Variants in KIF4A observed in about 807,000 individuals in gnomAD.
KIF4A encodes chromosome-associated kinesin KIF4A.
A neutral mutation model predicts 105.9 loss-of-function variants in KIF4A; 7 were observed. That is an observed-to-expected ratio of 0.07 (90% CI 0.04 to 0.12). KIF4A has a LOEUF of 0.12. KIF4A is among the 10% of genes least tolerant of loss of function. The pLI is 1.00. For missense variants in KIF4A, 558 were observed against 929.2 expected, an observed-to-expected ratio of 0.60 and a Z score of 5.19; for synonymous variants, 281 against 331.3, an observed-to-expected ratio of 0.85 and a Z score of 1.65.
chrX:70,297,701 A>G (rs1004225153), intron 4 of KIF4A, among the ~76,000 whole-genome samples: 23 of 111,672 alleles, frequency 2.1e-4, no homozygotes, highest in Admixed American at 1.8e-3. Context: ...CAAAAATTCT[A>G]GCCCTTATGG....
chrX:70,319,326 A>G (rs942258895), intron 7 of KIF4A, among the ~76,000 whole-genome samples: 1 of 112,204 alleles, frequency 8.9e-6, no homozygotes, highest in East Asian at 2.8e-4. Context: ...TTTTTTCTAT[A>G]TTATCTAATA....
At chrX:70,348,210 G>A (rs1432681819) in intron 13 of KIF4A, among the ~76,000 whole-genome samples, 3 of 110,350 alleles carry the variant, frequency 2.7e-5, no homozygotes, top group East Asian at 2.9e-4. Flanking sequence ...TTGAGAGACC[G>A]AGGCAGGTGG....
At chrX:70,371,972 C>T (rs1350584941) in intron 15 of KIF4A, among the ~76,000 whole-genome samples, 5 of 108,143 alleles carry the variant, frequency 4.6e-5, no homozygotes, top group African/African-American at 1.0e-4. Flanking sequence ...GACGGGGTCA[C>T]GGCCGGGTAG....
At chrX:70,380,592 C>A (rs1183462162) in intron 18 of KIF4A, among the ~76,000 whole-genome samples, 1 of 111,823 alleles carries the variant, frequency 8.9e-6, no homozygotes, top group Non-Finnish European at 1.9e-5. Context: ...TGAAAAAGAG[C>A]ATACTTTTCC....
At chrX:70,342,060 TC>T in intron 11 of KIF4A, 129 bp downstream of exon 11, 1 of 900,634 alleles carries the variant, frequency 1.1e-6, no homozygotes, top group Non-Finnish European at 1.5e-6. Context: ...TACCATATCC[TC>T]CAGGGAGCCC....
intron 28 of KIF4A, among the ~76,000 whole-genome samples, chrX:70,410,296 G>A (rs2086316783): frequency 8.9e-6 from 1 of 112,000 alleles, no homozygotes; most frequent in African/African-American, 3.2e-5. Flanking sequence ...AAAGGAGACT[G>A]AAGCAGGCAC....
intron 7 of KIF4A, among the ~76,000 whole-genome samples, chrX:70,321,830 A>G (rs758805370): frequency 2.7e-5 from 3 of 110,960 alleles, no homozygotes; most frequent in African/African-American, 6.6e-5. Flanking sequence ...GACCTGAACA[A>G]CTGAATCCAT....
In KIF4A at chrX:70,302,540, G is replaced by A. The variant is rs755459323; in HGVS notation, c.778+142G>A. ...ATTTGAGGCTGAGTTCAGAAATAGC[G>A]AAAAATTGTTTCTTTCCCTTGCTCT... On this transcript the variant is annotated intron_variant, in intron 7 of 30. Transcript: ENST00000374403. 2.1e-5 allele frequency: 12 copies of A among 558,763 alleles called. No homozygotes were observed. In the South Asian group the frequency reaches 2.3e-4, roughly 11 times the overall value. The allele number at this position is 558,763 out of a possible 1,213,427, so 46.0% of individuals were successfully genotyped here. A position where few individuals can be genotyped will look rare whatever the true frequency, so the allele number is the denominator to read the frequency against.
intron 23 of KIF4A, 141 bp from the exon 24 acceptor site, chrX:70,403,723 A>G: frequency 2.0e-6 from 1 of 494,927 alleles, no homozygotes; most frequent in Non-Finnish European, 3.4e-6. Flanking sequence ...TCCATATGAC[A>G]TGAAAAAATA....
At chrX:70,388,976 G>A (rs1430714611) in intron 20 of KIF4A, among the ~76,000 whole-genome samples, 1 of 112,523 alleles carries the variant, frequency 8.9e-6, no homozygotes, top group Non-Finnish European at 1.9e-5. Flanking sequence ...TTGGCTGGGT[G>A]TAGTGGCTCA....
intron 29 of KIF4A, 21 bp from the exon 30 acceptor site, chrX:70,419,640 G>A: frequency 8.3e-7 from 1 of 1,209,020 alleles, no homozygotes; most frequent in Non-Finnish European, 1.1e-6. Context: ...TTTATAATAT[G>A]CCTGTCTGCT....
intron 28 of KIF4A, among the ~76,000 whole-genome samples, chrX:70,413,247 A>G (rs1250513915): frequency 8.9e-6 from 1 of 112,424 alleles, no homozygotes; most frequent in Non-Finnish European, 1.9e-5. Context: ...TGGTAACCAG[A>G]AAAATAAAAT....
At chrX:70,330,435 G>A in intron 9 of KIF4A, 103 bp downstream of exon 9, 1 of 782,298 alleles carries the variant, frequency 1.3e-6, no homozygotes, top group Non-Finnish European at 1.9e-6. Flanking sequence ...TAGAGATGTT[G>A]GTTAGGCATT....
intron 27 of KIF4A, among the ~76,000 whole-genome samples, 160 bp downstream of exon 27, chrX:70,406,514 A>C (rs1353602281): frequency 1.8e-5 from 2 of 112,388 alleles, no homozygotes; most frequent in African/African-American, 6.5e-5. Context: ...TCCTAAGGAA[A>C]GTAGGCATTC....
intron 12 of KIF4A, 28 bp from the exon 13 acceptor site, chrX:70,343,849 C>T (rs2085981510): frequency 8.4e-7 from 1 of 1,193,412 alleles, no homozygotes; most frequent in Middle Eastern, 2.3e-4. Context: ...ATGAATAACC[C>T]TTGGGTTCTT....
chrX:70,373,827 T>TACACAC (rs201449631), intron 15 of KIF4A, among the ~76,000 whole-genome samples: 1 of 28,778 alleles, frequency 3.5e-5, no homozygotes, highest in South Asian at 2.0e-3. Context: ...CACACACATG[T>TACACAC]ACACACACAC....
rs201449631 is a variant in KIF4A at position 70,373,827 on chromosome X, T to TACAC, written c.1675-308_1675-305dup. 2.3e-3 allele frequency among the ~76,000 whole-genome samples: 65 copies of TACAC among 28,787 alleles called. 2 individuals are homozygous for TACAC. Among genetic ancestry groups the TACAC allele is most frequent in the Admixed American group, 4.2e-3 (7 of 1,668 alleles). 25.0% of individuals were successfully genotyped at this position (28,787 alleles called of 115,157 possible). On this transcript the variant is annotated intron_variant, in intron 15 of 30. Coordinates refer to ENST00000374403, the MANE Select transcript of KIF4A (RefSeq NM_012310.5). ...ACGTATATATATATACACACACATG[T>TACAC]ACACACACACACACACACATACACA...
At chrX:70,322,095 C>G (rs979766017) in intron 7 of KIF4A, among the ~76,000 whole-genome samples, 1 of 109,922 alleles carries the variant, frequency 9.1e-6, no homozygotes, top group Non-Finnish European at 1.9e-5. Flanking sequence ...CCTCCCCCCC[C>G]AAAGTGGTTT....
chrX:70,343,604 A>G, intron 11 of KIF4A, 99 bp from the exon 12 acceptor site: 1 of 716,503 alleles, frequency 1.4e-6, no homozygotes, highest in Non-Finnish European at 2.1e-6. Context: ...CAAAGGAGAC[A>G]GCCTCTCTAC....
Sources: gnomAD v4.1 joint callset for allele counts (sites outside exome capture counted in the v4.1 genomes callset) on GRCh38, gnomAD v4.1.1 for gene constraint, MANE v1.5 for transcripts, NCBI Gene and HGNC (gene_info 2026-07-23, HGNC 2026-07-21) for gene names.